Variants in CHST11 observed in about 807,000 individuals in gnomAD.
CHST11 encodes carbohydrate sulfotransferase 11, also known as C4S-1.
Under a neutral mutation model 30.4 loss-of-function variants are expected in CHST11, and 9 were observed. That is an observed-to-expected ratio of 0.30 (90% CI 0.18 to 0.52). CHST11 has a LOEUF of 0.52. Ranked by LOEUF, CHST11 falls within the 20% of genes least tolerant of loss-of-function variation. The probability of loss-of-function intolerance (pLI) is 0.97; values close to 1 mark genes in which losing one functional copy is unlikely to be tolerated. For missense variants in CHST11, 348 were observed against 460.6 expected (o/e 0.76, Z 2.24); for synonymous variants, 152 against 187.8 (o/e 0.81, Z 1.56).
intron 2 of CHST11, among the ~76,000 whole-genome samples, chr12:104,602,431 C>G (rs988215079): frequency 6.6e-6 from 1 of 152,202 alleles, no homozygotes; most frequent in East Asian, 1.9e-4. Context: ...GGCAAACTCC[C>G]TTGCGAGCGG....
chr12:104,489,384 C>T lies in CHST11; in HGVS notation c.118+31855C>T, dbSNP rs115455366. ...CCAGTCAGATTGGATTAGGGTCCATCCACTGTTTTGACTTAATTACCTCTT... is the reference window on the plus strand; with the variant it reads ...CCAGTCAGATTGGATTAGGGTCCATTCACTGTTTTGACTTAATTACCTCTT... On this transcript the variant is annotated intron_variant, in intron 1 of 2. Coordinates refer to ENST00000303694, the MANE Select transcript of CHST11 (RefSeq NM_018413.6). Among the ~76,000 whole-genome samples the T allele has an allele frequency of 2.0e-3, 310 of 151,970 alleles. 2 individuals are homozygous for T. The highest frequency in any genetic ancestry group is 7.0e-3 in the African/African-American group (290 of 41,446).
chr12:104,647,217 G>A (rs1031102100), intron 2 of CHST11, among the ~76,000 whole-genome samples: 3 of 152,180 alleles, frequency 2.0e-5, no homozygotes, highest in African/African-American at 4.8e-5. Flanking sequence ...GGATGCCATC[G>A]GGTGGCTGCT....
chr12:104,577,120 A>G (rs765906705), intron 1 of CHST11, among the ~76,000 whole-genome samples: 5 of 152,072 alleles, frequency 3.3e-5, no homozygotes, highest in Non-Finnish European at 2.9e-5. Context: ...GGCCAGGGCA[A>G]AGGTTATTAT....
At chr12:104,644,333 T>C (rs1370660898) in intron 2 of CHST11, among the ~76,000 whole-genome samples, 5 of 152,220 alleles carry the variant, frequency 3.3e-5, no homozygotes, top group African/African-American at 1.2e-4. Flanking sequence ...ATGATTCCAC[T>C]CGGTGGCCTC....
At chr12:104,505,649 C>T (rs1380409284) in intron 1 of CHST11, among the ~76,000 whole-genome samples, 2 of 152,148 alleles carry the variant, frequency 1.3e-5, no homozygotes, top group African/African-American at 4.8e-5. Context: ...ACCTCTGTCA[C>T]CTTAAGTTTA....
At chr12:104,652,757 A>G (rs889690026) in intron 2 of CHST11, among the ~76,000 whole-genome samples, 25 of 152,254 alleles carry the variant, frequency 1.6e-4, no homozygotes, top group South Asian at 8.3e-4. Context: ...CTAATGGATG[A>G]GTCTTGTTGG....
At chr12:104,683,093 C>A (rs1161771145) in intron 2 of CHST11, among the ~76,000 whole-genome samples, 1 of 152,130 alleles carries the variant, frequency 6.6e-6, no homozygotes, top group Admixed American at 6.5e-5. Context: ...GTTGAAATGG[C>A]AAAAGGGGGC....
chr12:104,531,807 A>T (rs1027204003), intron 1 of CHST11, among the ~76,000 whole-genome samples: 1 of 152,172 alleles, frequency 6.6e-6, no homozygotes, highest in African/African-American at 2.4e-5. Context: ...TACACATAGT[A>T]CCTTCTTCCC....
chr12:104,711,708 C>A (rs1488229140), intron 2 of CHST11, among the ~76,000 whole-genome samples: 1 of 151,602 alleles, frequency 6.6e-6, no homozygotes. Context: ...ACAAGTGATG[C>A]TTTAAAAATT....
intron 1 of CHST11, among the ~76,000 whole-genome samples, chr12:104,548,795 T>C (rs926927481): frequency 6.6e-6 from 1 of 152,196 alleles, no homozygotes; most frequent in Non-Finnish European, 1.5e-5. Context: ...GGCAGGCAAC[T>C]GTCAGCCAAG....
chr12:104,605,561 A>T (rs2038997470), intron 2 of CHST11, among the ~76,000 whole-genome samples: 1 of 152,232 alleles, frequency 6.6e-6, no homozygotes, highest in Non-Finnish European at 1.5e-5. Flanking sequence ...CCTGGGCGAA[A>T]GAGCCAGACT....
chr12:104,514,212 G>T, intron 1 of CHST11: 1 of 889,174 alleles, frequency 1.1e-6, no homozygotes, highest in Non-Finnish European at 1.9e-6. Context: ...TGTCTCCGGG[G>T]ACATTGACAC....
At chr12:104,475,664 A>ATC (rs2037550863) in intron 1 of CHST11, among the ~76,000 whole-genome samples, 1 of 65,406 alleles carries the variant, frequency 1.5e-5, no homozygotes, top group African/African-American at 6.7e-5. Flanking sequence ...AGCATTATAT[A>ATC]TATATATATA....
At position 104,589,311 on chromosome 12, in the gene CHST11, G is replaced by A. The variant is rs141811953; in HGVS notation, c.119-12595G>A. ...AGCTACTCTGAAGGTTGAGGTGGGA[G>A]GATTGCTTGAGACTGGAAGGCAGAG... On this transcript the variant is annotated intron_variant, in intron 1 of 2. Transcript: ENST00000303694. Among the ~76,000 whole-genome samples the A allele has an allele frequency of 2.6e-3, 400 of 151,862 alleles. 3 individuals carry two copies. Among genetic ancestry groups the A allele is most frequent in the African/African-American group, 9.3e-3 (384 of 41,356 alleles).
At chr12:104,641,361 C>T (rs897998637) in intron 2 of CHST11, among the ~76,000 whole-genome samples, 2 of 152,218 alleles carry the variant, frequency 1.3e-5, no homozygotes, top group African/African-American at 2.4e-5. Context: ...TGTAACACTT[C>T]TTCCGGGGCT....
At chr12:104,678,659 C>A (rs554497932) in intron 2 of CHST11, among the ~76,000 whole-genome samples, 1 of 152,066 alleles carries the variant, frequency 6.6e-6, no homozygotes, top group African/African-American at 2.4e-5. Context: ...TTCTGCATAA[C>A]AAAACACCCT....
chr12:104,665,338 C>A (rs772065748), intron 2 of CHST11, among the ~76,000 whole-genome samples: 5 of 152,150 alleles, frequency 3.3e-5, no homozygotes, highest in Non-Finnish European at 7.3e-5. Context: ...GAGCAAGGAG[C>A]AGCATGGAAG....
At chr12:104,565,421 C>T (rs1477908979) in intron 1 of CHST11, among the ~76,000 whole-genome samples, 1 of 151,906 alleles carries the variant, frequency 6.6e-6, no homozygotes, top group East Asian at 1.9e-4. Context: ...TACGTGCCAC[C>T]ATGCTGGGCT....
At chr12:104,687,615 G>C (rs544105887) in intron 2 of CHST11, among the ~76,000 whole-genome samples, 1 of 152,136 alleles carries the variant, frequency 6.6e-6, no homozygotes, top group Admixed American at 6.5e-5. Context: ...CAGTGAGGAG[G>C]TACTTCCCAA....
Sources: allele counts gnomAD v4.1 joint callset (sites outside exome capture counted in the v4.1 genomes callset), GRCh38; gene constraint gnomAD v4.1.1; transcripts MANE v1.5; gene names NCBI Gene and HGNC (gene_info 2026-07-23, HGNC 2026-07-21).